Variants in ATXN7L1 observed in about 807,000 individuals in gnomAD.
The protein encoded by ATXN7L1 is ataxin 7 like 1.
ATXN7L1 carries 15 observed loss-of-function variants against 70.8 expected under a neutral mutation model. The observed-to-expected ratio is 0.21, with a 90% CI of 0.14 to 0.33. The LOEUF is 0.33. Among genes scored for constraint, ATXN7L1 ranks in the 10% least tolerant of loss-of-function variants. The pLI is 1.00. For missense variants in ATXN7L1, 975 were observed against 1,097.1 expected (o/e 0.89, Z 1.57); for synonymous variants, 440 against 445.1 (o/e 0.99, Z 0.14).
intron 3 of ATXN7L1, among the ~76,000 whole-genome samples, chr7:105,787,455 T>G (rs1311031362): frequency 6.6e-6 from 1 of 152,078 alleles, no homozygotes; most frequent in African/African-American, 2.4e-5. Flanking sequence ...TTCTACACAT[T>G]ACAAACACAA....
chr7:105,832,044 G>A (rs775773671), intron 2 of ATXN7L1, among the ~76,000 whole-genome samples: 27 of 152,238 alleles, frequency 1.8e-4, no homozygotes, highest in Admixed American at 3.9e-4. Flanking sequence ...GTGAGAAATG[G>A]CCATGTGACT....
At chr7:105,665,359 A>G (rs1053974503) in intron 3 of ATXN7L1, 71 bp from the exon 4 acceptor site, 1 of 1,226,790 alleles carries the variant, frequency 8.2e-7, no homozygotes, top group African/African-American at 1.5e-5. Context: ...ACTCACATAC[A>G]CTCAAACACA....
chr7:105,613,732 T>A, intron 10 of ATXN7L1, 130 bp downstream of exon 10: 2 of 1,517,538 alleles, frequency 1.3e-6, no homozygotes, highest in Non-Finnish European at 1.8e-6. Flanking sequence ...GGGTGAAAAC[T>A]GCCTTCGGGG....
intron 4 of ATXN7L1, among the ~76,000 whole-genome samples, chr7:105,650,184 C>T (rs558809001): frequency 6.6e-6 from 1 of 152,138 alleles, no homozygotes; most frequent in Admixed American, 6.5e-5. Flanking sequence ...CAGGCAATCA[C>T]TAAGAATCAG....
intron 3 of ATXN7L1, among the ~76,000 whole-genome samples, chr7:105,781,166 GC>G (rs1462794599): frequency 6.6e-6 from 1 of 152,052 alleles, no homozygotes; most frequent in Admixed American, 6.5e-5. Context: ...GAATTATTCA[GC>G]CCAAAATGTC....
intron 3 of ATXN7L1, among the ~76,000 whole-genome samples, chr7:105,714,258 C>G (rs1794261524): frequency 1.3e-5 from 2 of 152,232 alleles, no homozygotes; most frequent in Admixed American, 1.3e-4. Flanking sequence ...GCAGGACACA[C>G]TAGGGCAGTG....
chr7:105,728,395 G>A (rs1433457015), intron 3 of ATXN7L1, among the ~76,000 whole-genome samples: 2 of 152,146 alleles, frequency 1.3e-5, no homozygotes, highest in Admixed American at 1.3e-4. Flanking sequence ...TAGATGCTGG[G>A]TTTCTTACTG....
chr7:105,792,165 G>C (rs1234182082), intron 2 of ATXN7L1, among the ~76,000 whole-genome samples: 2 of 152,194 alleles, frequency 1.3e-5, no homozygotes, highest in Non-Finnish European at 2.9e-5. Flanking sequence ...GCTCCTTAGA[G>C]ACTGTGGCCA....
intron 4 of ATXN7L1, among the ~76,000 whole-genome samples, chr7:105,663,464 T>C (rs946549484): frequency 1.3e-5 from 2 of 152,256 alleles, no homozygotes; most frequent in African/African-American, 4.8e-5. Context: ...ACAGCTTGCC[T>C]AGGTACGAAC....
At chr7:105,658,907 G>T (rs756853228) in intron 4 of ATXN7L1, among the ~76,000 whole-genome samples, 1 of 152,190 alleles carries the variant, frequency 6.6e-6, no homozygotes, top group Non-Finnish European at 1.5e-5. Flanking sequence ...ATTTTGGGAG[G>T]CCAAGGCAGA....
intron 7 of ATXN7L1, among the ~76,000 whole-genome samples, chr7:105,627,550 T>C (rs1584382910): frequency 6.9e-6 from 1 of 143,926 alleles, no homozygotes; most frequent in Non-Finnish European, 1.5e-5. Context: ...TTTTTTTTTT[T>C]AGAAAGAGTC....
rs1796547192 is a variant in ATXN7L1 at position 105,631,194 on chromosome 7, C to T, written c.1203-6927G>A. On this transcript the variant is annotated intron_variant, in intron 7 of 11. Coordinates refer to ENST00000419735, the MANE Select transcript of ATXN7L1 (RefSeq NM_020725.2). The stretch of plus-strand genomic sequence containing the variant: ...GCTACTTGCTCCTGAAGCATCCTAA[C>T]TGATACAAGCATATGAGATTTTAAC... Among the ~76,000 whole-genome samples, 3 of 152,270 alleles carry T rather than the reference C, an allele frequency of 2.0e-5. 1 individual carries two copies. The highest frequency in any genetic ancestry group is 2.0e-4 in the Admixed American group (3 of 15,292).
intron 3 of ATXN7L1, among the ~76,000 whole-genome samples, chr7:105,727,125 C>A (rs1024406952): frequency 1.3e-5 from 2 of 152,082 alleles, no homozygotes; most frequent in Non-Finnish European, 2.9e-5. Context: ...TACCAATGGG[C>A]AATTTGACAG....
intron 2 of ATXN7L1, among the ~76,000 whole-genome samples, chr7:105,869,638 G>C (rs2392641): frequency 0.052 from 7,930 of 152,126 alleles, 691 homozygotes; most frequent in African/African-American, 0.18. Context: ...AACTCTTATA[G>C]TCACAGCAAT....
intron 3 of ATXN7L1, among the ~76,000 whole-genome samples, chr7:105,697,968 G>A (rs1035336587): frequency 6.6e-6 from 1 of 152,204 alleles, no homozygotes; most frequent in African/African-American, 2.4e-5. Context: ...GCAGGGACGA[G>A]CACTGTCTTT....
At chr7:105,842,290 T>C (rs578200251) in intron 2 of ATXN7L1, among the ~76,000 whole-genome samples, 1 of 152,044 alleles carries the variant, frequency 6.6e-6, no homozygotes, top group Non-Finnish European at 1.5e-5. Flanking sequence ...CAATGTGTAA[T>C]CCTCAATGGT....
At chr7:105,634,567 G>T (rs923549046) in intron 7 of ATXN7L1, among the ~76,000 whole-genome samples, 3 of 152,044 alleles carry the variant, frequency 2.0e-5, no homozygotes, top group African/African-American at 7.3e-5. Context: ...TGTTGCCAAG[G>T]CTGCTGTTGA....
chr7:105,844,795 T>C (rs979802674), intron 2 of ATXN7L1, among the ~76,000 whole-genome samples: 2 of 152,192 alleles, frequency 1.3e-5, no homozygotes, highest in African/African-American at 2.4e-5. Context: ...CCATCTCTAT[T>C]TGCAGATGAC....
chr7:105,725,644 C>T (rs1359092165), intron 3 of ATXN7L1, among the ~76,000 whole-genome samples: 1 of 151,400 alleles, frequency 6.6e-6, no homozygotes, highest in Non-Finnish European at 1.5e-5. Flanking sequence ...GCAGTGGCGC[C>T]ATCTTGGCTC....
Sources: gnomAD v4.1 joint callset for allele counts (sites outside exome capture counted in the v4.1 genomes callset) on GRCh38, gnomAD v4.1.1 for gene constraint, MANE v1.5 for transcripts, NCBI Gene and HGNC (gene_info 2026-07-23, HGNC 2026-07-21) for gene names.